The following MEMO1 variants were observed in gnomAD, a reference collection of about 807,000 sequenced individuals.
MEMO1 encodes the protein mediator of cell motility 1, also known as protein MEMO1.
Under a neutral mutation model 45.2 loss-of-function variants are expected in MEMO1, and 6 were observed. The ratio of observed to expected loss-of-function variants is 0.13; its 90% confidence interval spans 0.07 to 0.26. MEMO1 has a LOEUF of 0.26. Ranked by LOEUF, MEMO1 falls within the 10% of genes least tolerant of loss-of-function variation. The probability of loss-of-function intolerance (pLI) is 1.00; values close to 1 mark genes in which losing one functional copy is unlikely to be tolerated. For synonymous variants in MEMO1, 78 were observed against 124.3 expected (o/e 0.63, Z 2.48); for missense variants, 184 against 370.5 (o/e 0.50, Z 4.13).
At chr2:31,939,175 C>T (rs1346105033) in intron 3 of MEMO1, among the ~76,000 whole-genome samples, 1 of 151,188 alleles carries the variant, frequency 6.6e-6, no homozygotes, top group East Asian at 1.9e-4. Flanking sequence ...TAAGATAAAA[C>T]TTGGCTATAC....
chr2:31,934,023 T>C (rs770354620), intron 3 of MEMO1, among the ~76,000 whole-genome samples: 4 of 152,178 alleles, frequency 2.6e-5, no homozygotes, highest in Non-Finnish European at 5.9e-5. Context: ...TCTTAACTAG[T>C]TCTCTTACCA....
At position 31,992,836 on chromosome 2, in the gene MEMO1, T is replaced by A. The variant is rs548014794; in HGVS notation, c.61+17351A>T. 2.6e-4 allele frequency among the ~76,000 whole-genome samples: 40 copies of A among 151,842 alleles called. No homozygotes were observed. In the East Asian group the frequency reaches 7.4e-3, roughly 28 times the overall value. On this transcript the variant is annotated intron_variant, in intron 2 of 9. Coordinates refer to ENST00000404530, the MANE Select transcript of MEMO1 (RefSeq NM_001301833.4). ...AATAATAAGGAGCATTTATAGAGAA[T>A]TAAATGGGGAACACCCAGATATGTC...
At chr2:31,996,790 G>A (rs928324039) in intron 2 of MEMO1, among the ~76,000 whole-genome samples, 2 of 152,094 alleles carry the variant, frequency 1.3e-5, no homozygotes, top group African/African-American at 4.8e-5. Context: ...GAGTGTGGTC[G>A]TGTAATCATA....
intron 2 of MEMO1, among the ~76,000 whole-genome samples, chr2:31,975,179 A>G (rs1297907742): frequency 1.3e-5 from 2 of 152,222 alleles, no homozygotes; most frequent in African/African-American, 4.8e-5. Context: ...TCTCAAAAAA[A>G]CAAACAAATA....
chr2:31,944,332 T>C (rs1490930857), intron 2 of MEMO1, among the ~76,000 whole-genome samples: 3 of 152,216 alleles, frequency 2.0e-5, no homozygotes, highest in Admixed American at 2.0e-4. Context: ...CAATACTTCC[T>C]TCATCCCCTT....
At chr2:31,920,948 A>G (rs1335068523) in intron 4 of MEMO1, 38 bp from the exon 5 acceptor site, 1 of 1,298,376 alleles carries the variant, frequency 7.7e-7, no homozygotes, top group East Asian at 2.3e-5. Context: ...TAACAATTGC[A>G]CTTCTACACA....
chr2:31,955,423 T>C (rs1426351024), intron 2 of MEMO1, among the ~76,000 whole-genome samples: 1 of 152,162 alleles, frequency 6.6e-6, no homozygotes, highest in Non-Finnish European at 1.5e-5. Flanking sequence ...CCTTGTTTCT[T>C]AGACTCACTT....
intron 2 of MEMO1, among the ~76,000 whole-genome samples, chr2:31,981,740 T>G (rs1302461887): frequency 6.6e-6 from 1 of 152,208 alleles, no homozygotes; most frequent in African/African-American, 2.4e-5. Context: ...AACCACAGGA[T>G]CTTGTTTGAA....
intron 8 of MEMO1, among the ~76,000 whole-genome samples, chr2:31,873,448 T>C (rs958469103): frequency 6.6e-6 from 1 of 152,160 alleles, no homozygotes; most frequent in Non-Finnish European, 1.5e-5. Context: ...TGATGTCAAA[T>C]TCCAAGTGGC....
intron 2 of MEMO1, among the ~76,000 whole-genome samples, chr2:31,964,312 T>G (rs1242719582): frequency 6.6e-6 from 1 of 151,772 alleles, no homozygotes; most frequent in Non-Finnish European, 1.5e-5. Flanking sequence ...AGAGGTGAAA[T>G]GTGTAGATTA....
At chr2:31,901,009 T>C (rs1203094228) in intron 6 of MEMO1, among the ~76,000 whole-genome samples, 2 of 152,164 alleles carry the variant, frequency 1.3e-5, no homozygotes, top group Non-Finnish European at 2.9e-5. Flanking sequence ...CTGGAAATGT[T>C]CAATAGTTTA....
At chr2:31,982,957 G>C (rs1027743359) in intron 2 of MEMO1, among the ~76,000 whole-genome samples, 5 of 151,956 alleles carry the variant, frequency 3.3e-5, no homozygotes, top group Non-Finnish European at 4.4e-5. Context: ...AATATACATA[G>C]GCCAGGTGCA....
intron 2 of MEMO1, among the ~76,000 whole-genome samples, chr2:31,954,579 TC>T (rs1460421035): frequency 6.6e-6 from 1 of 152,202 alleles, no homozygotes; most frequent in Non-Finnish European, 1.5e-5. Flanking sequence ...ACTCATGTAA[TC>T]CCAGCACTTT....
intron 8 of MEMO1, among the ~76,000 whole-genome samples, chr2:31,871,285 T>C (rs1673689042): frequency 6.6e-6 from 1 of 152,216 alleles, no homozygotes; most frequent in Non-Finnish European, 1.5e-5. Context: ...TTTGTTTTTG[T>C]TTTTATTTCA....
At chr2:31,917,794 A>T in intron 6 of MEMO1, 132 bp downstream of exon 6, 2 of 582,576 alleles carry the variant, frequency 3.4e-6, no homozygotes, top group Non-Finnish European at 5.7e-6. Flanking sequence ...ACCTTAAGAC[A>T]TTCTTGTCTC....
intron 2 of MEMO1, among the ~76,000 whole-genome samples, chr2:32,003,367 G>A (rs1317674021): frequency 3.9e-5 from 6 of 152,000 alleles, no homozygotes; most frequent in South Asian, 2.1e-4. Flanking sequence ...CATGACAGCC[G>A]TGATTATAAG....
intron 2 of MEMO1, among the ~76,000 whole-genome samples, chr2:31,967,111 TAGTC>T (rs1249597151): frequency 7.0e-6 from 1 of 142,448 alleles, no homozygotes; most frequent in South Asian, 2.3e-4. Flanking sequence ...TACCAGTCAA[TAGTC>T]AGTATTTTAT....
At chr2:31,953,009 C>T (rs990065718) in intron 2 of MEMO1, among the ~76,000 whole-genome samples, 2 of 152,052 alleles carry the variant, frequency 1.3e-5, no homozygotes, top group African/African-American at 4.8e-5. Context: ...GGGTTGTTTC[C>T]AATTTTTGTG....
At chr2:31,926,245 G>A (rs972363622) in intron 4 of MEMO1, among the ~76,000 whole-genome samples, 1 of 151,958 alleles carries the variant, frequency 6.6e-6, no homozygotes, top group Non-Finnish European at 1.5e-5. Context: ...GCTGGCACAG[G>A]CTGGCAGTCC....
Sources: allele counts gnomAD v4.1 joint callset (sites outside exome capture counted in the v4.1 genomes callset), GRCh38; gene constraint gnomAD v4.1.1; transcripts MANE v1.5; gene names NCBI Gene and HGNC (gene_info 2026-07-23, HGNC 2026-07-21).